Variants in STK33 observed in about 807,000 individuals in gnomAD.
The protein encoded by STK33 is serine/threonine-protein kinase 33.
Under a neutral mutation model 58.0 loss-of-function variants are expected in STK33, and 52 were observed. That is an observed-to-expected ratio of 0.90 (90% CI 0.72 to 1.13). The LOEUF is 1.13. Ranked by LOEUF, STK33 falls within the 50% of genes most tolerant of loss-of-function variation. STK33 has a pLI of 0.00. For synonymous variants in STK33, 215 were observed against 200.1 expected (o/e 1.07, Z -0.63); for missense variants, 630 against 604.2 (o/e 1.04, Z -0.45).
chr11:8,569,170 A>C (rs923167911), intron 1 of STK33, among the ~76,000 whole-genome samples: 1 of 152,240 alleles, frequency 6.6e-6, no homozygotes, highest in African/African-American at 2.4e-5. Context: ...GCATCAGTAA[A>C]GGCAAAGGTC....
the STK33 span, among the ~76,000 whole-genome samples, chr11:8,352,097 G>T: frequency 6.6e-6 from 1 of 152,186 alleles, no homozygotes; most frequent in Non-Finnish European, 1.5e-5. Flanking sequence ...CATCCCCTGG[G>T]CAGTGGGCAA....
intron 12 of STK33, among the ~76,000 whole-genome samples, chr11:8,438,569 G>C (rs977741929): frequency 1.3e-5 from 2 of 152,132 alleles, no homozygotes; most frequent in Non-Finnish European, 2.9e-5. Flanking sequence ...AGAGTCTACT[G>C]TAAAGAGAAG....
chr11:8,366,067 CT>C, the STK33 span, among the ~76,000 whole-genome samples: 1 of 152,242 alleles, frequency 6.6e-6, no homozygotes, highest in Non-Finnish European at 1.5e-5. Flanking sequence ...TACAGGAAGA[CT>C]TTCTCACGGC....
chr11:8,334,949 A>G, the STK33 span, among the ~76,000 whole-genome samples: 16 of 152,208 alleles, frequency 1.1e-4, no homozygotes, highest in Admixed American at 2.0e-4. Context: ...CTTCCAGCCA[A>G]GTGGGAGACA....
At chr11:8,588,006 G>A (rs1424444112) in intron 1 of STK33, among the ~76,000 whole-genome samples, 1 of 152,196 alleles carries the variant, frequency 6.6e-6, no homozygotes, top group Non-Finnish European at 1.5e-5. Flanking sequence ...GACACCAGCA[G>A]ATCTGATGCT....
the STK33 span, among the ~76,000 whole-genome samples, chr11:8,353,387 G>A: frequency 3.1e-4 from 47 of 152,172 alleles, no homozygotes; most frequent in African/African-American, 9.9e-4. Flanking sequence ...CTAGTCACCC[G>A]GTTTTGTCTC....
chr11:8,441,780 T>C (rs943601263), intron 11 of STK33, among the ~76,000 whole-genome samples: 1 of 152,104 alleles, frequency 6.6e-6, no homozygotes, highest in Non-Finnish European at 1.5e-5. Flanking sequence ...AAAAATACAA[T>C]ATATGTATAT....
chr11:8,403,117 G>T (rs1452099827), intron 15 of STK33, among the ~76,000 whole-genome samples: 13 of 152,140 alleles, frequency 8.5e-5, no homozygotes, highest in Admixed American at 7.9e-4. Flanking sequence ...GATTGTAAAT[G>T]ATCATTATGA....
At chr11:8,462,704 A>C (rs1288907167) in intron 7 of STK33, among the ~76,000 whole-genome samples, 3 of 152,090 alleles carry the variant, frequency 2.0e-5, no homozygotes, top group Non-Finnish European at 4.4e-5. Flanking sequence ...AGATAGCAAA[A>C]GGTAAAGTCA....
At chr11:8,360,896 A>T in the STK33 span, among the ~76,000 whole-genome samples, 1 of 152,202 alleles carries the variant, frequency 6.6e-6, no homozygotes, top group Non-Finnish European at 1.5e-5. Flanking sequence ...CTTGGTTTAG[A>T]TCCATGTGGA....
chr11:8,342,719 A>T, the STK33 span, among the ~76,000 whole-genome samples: 3,653 of 152,374 alleles, frequency 0.024, 152 homozygotes, highest in African/African-American at 0.081. Context: ...AGACACAGAG[A>T]GGCTCAGTGA....
At chr11:8,417,569 T>C (rs945454843) in intron 14 of STK33, among the ~76,000 whole-genome samples, 17 of 152,144 alleles carry the variant, frequency 1.1e-4, no homozygotes, top group Non-Finnish European at 1.9e-4. Context: ...TCGGCGAAGC[T>C]AAAGGAAACA....
chr11:8,455,402 T>C (rs1442301978), intron 9 of STK33, among the ~76,000 whole-genome samples: 2 of 152,152 alleles, frequency 1.3e-5, no homozygotes, highest in African/African-American at 4.8e-5. Context: ...CAGTTGAACA[T>C]GTCAGAGCTC....
the STK33 span, among the ~76,000 whole-genome samples, chr11:8,354,065 T>G: frequency 1.3e-5 from 2 of 152,162 alleles, no homozygotes; most frequent in South Asian, 4.1e-4. Flanking sequence ...CCTGCCCTGC[T>G]TGCTTTGCAG....
At chr11:8,410,470 CTTTTTT>C (rs11382344) in intron 15 of STK33, among the ~76,000 whole-genome samples, 1 of 121,848 alleles carries the variant, frequency 8.2e-6, no homozygotes. Flanking sequence ...CTTTTCTTTT[CTTTTTT>C]TTTTTTTTTT....
the STK33 span, among the ~76,000 whole-genome samples, chr11:8,369,295 C>CTGTGTGTGTGTGTGTGTGTGTGTG: frequency 4.4e-5 from 6 of 137,660 alleles, no homozygotes; most frequent in African/African-American, 1.6e-4. Flanking sequence ...GGTTTTTACT[C>CTGTGTGTGTGTGTGTGTGTGTGTG]TGTGTGTGTG....
chr11:8,394,466 C>T (rs1160545954), intron 15 of STK33, among the ~76,000 whole-genome samples: 2 of 152,192 alleles, frequency 1.3e-5, no homozygotes, highest in Non-Finnish European at 2.9e-5. Context: ...ATGTCCACTA[C>T]AACTAATATT....
At position 8,413,700 on chromosome 11, in the gene STK33, T is replaced by A; in HGVS notation, c.1147-8A>T. 2 of 1,610,624 alleles carry A rather than the reference T, an allele frequency of 1.2e-6. No individual in the cohort carries two copies. Among genetic ancestry groups the A allele is most frequent in the South Asian group, 2.2e-5 (2 of 90,656 alleles). ...CGAAGAAAGTTTATTGCCCTAATAT[T>A]AACAATCAATTTTTGGTGTTATAAA... is the stretch of plus-strand genomic sequence containing the variant. On this transcript the variant is annotated splice_polypyrimidine_tract_variant and splice_region_variant and intron_variant, in intron 14 of 15. Transcript: ENST00000687296.
At chr11:8,523,931 AAAG>A (rs1243648149) in intron 1 of STK33, among the ~76,000 whole-genome samples, 2 of 152,332 alleles carry the variant, frequency 1.3e-5, no homozygotes, top group East Asian at 3.9e-4. Context: ...GTCTGTGTGG[AAAG>A]AAGCAGACAT....
Sources: gnomAD v4.1 joint callset for allele counts (sites outside exome capture counted in the v4.1 genomes callset) on GRCh38, gnomAD v4.1.1 for gene constraint, MANE v1.5 for transcripts, NCBI Gene and HGNC (gene_info 2026-07-23, HGNC 2026-07-21) for gene names.